PLCG2: variants seen among roughly 807,000 people sequenced by gnomAD.
PLCG2 encodes the protein phospholipase C gamma 2.
PLCG2 carries 69 observed loss-of-function variants against 175.6 expected under a neutral mutation model. The ratio of observed to expected loss-of-function variants is 0.39; its 90% CI spans 0.32 to 0.48. The LOEUF (loss-of-function observed/expected upper bound fraction) is 0.48, where lower values mean the gene tolerates loss of function less well. Among genes scored for constraint, PLCG2 ranks in the 20% least tolerant of loss-of-function variants. The pLI, the probability that PLCG2 is intolerant of heterozygous loss-of-function variation, is 0.91. For synonymous variants in PLCG2, 827 were observed against 624.0 expected (o/e 1.33, Z -4.85); for missense variants, 1,798 against 1,650.9 (o/e 1.09, Z -1.54).
intron 14 of PLCG2, 72 bp downstream of exon 14, chr16:81,900,852 T>A: frequency 1.4e-6 from 2 of 1,398,548 alleles, no homozygotes; most frequent in South Asian, 1.3e-5. Flanking sequence ...CTGGGTCCCG[T>A]TCACCAAGTT....
intron 14 of PLCG2, among the ~76,000 whole-genome samples, chr16:81,903,812 G>A (rs939837987): frequency 1.3e-5 from 2 of 152,116 alleles, no homozygotes; most frequent in African/African-American, 2.4e-5. Context: ...TTCAGCTCTT[G>A]TTCTAAGATG....
chr16:81,944,024 C>T (rs114050826), intron 30 of PLCG2, among the ~76,000 whole-genome samples: 2 of 152,062 alleles, frequency 1.3e-5, no homozygotes, highest in South Asian at 4.2e-4. Context: ...AAGGCATCCA[C>T]GGAATTCAGT....
chr16:81,939,772 A>C (rs1410927206), intron 29 of PLCG2, 120 bp from the exon 30 acceptor site: 1 of 666,904 alleles, frequency 1.5e-6, no homozygotes, highest in Admixed American at 2.4e-5. Flanking sequence ...AGATCTTGGC[A>C]TAGATGCATA....
At chr16:81,803,175 G>T (rs1168150271) in intron 2 of PLCG2, among the ~76,000 whole-genome samples, 1 of 145,562 alleles carries the variant, frequency 6.9e-6, no homozygotes, top group African/African-American at 2.6e-5. Flanking sequence ...CTGGAGTGCA[G>T]TGGCATGATC....
intron 7 of PLCG2, among the ~76,000 whole-genome samples, chr16:81,880,009 G>GA (rs1567513312): frequency 6.6e-6 from 1 of 152,234 alleles, no homozygotes; most frequent in Non-Finnish European, 1.5e-5. Context: ...GGGGGCTCAG[G>GA]AGGGAGCATC....
Position 81,902,407 on chromosome 16 carries a change from G to A in PLCG2, c.1362+1627G>A, listed in dbSNP as rs575413816. Among the ~76,000 whole-genome samples the A allele has an allele frequency of 5.9e-5, 9 of 152,324 alleles. No individual in the cohort carries two copies. In the South Asian group the frequency reaches 8.3e-4, roughly 14 times the overall value. On this transcript the variant is annotated intron_variant, in intron 14 of 32. Transcript: ENST00000564138. ...TGCTGGTATGAGAGTCCTCTTCCAA[G>A]TTGTAGGCTGCCGACTTCTAGTTGT...
At chr16:81,944,620 G>A (rs996688313) in intron 30 of PLCG2, among the ~76,000 whole-genome samples, 5 of 152,044 alleles carry the variant, frequency 3.3e-5, no homozygotes, top group African/African-American at 9.7e-5. Flanking sequence ...GTGCATCACT[G>A]TGCCCAGCTA....
intron 2 of PLCG2, among the ~76,000 whole-genome samples, chr16:81,844,422 A>G (rs1906005064): frequency 2.6e-5 from 4 of 151,918 alleles, no homozygotes; most frequent in South Asian, 2.1e-4. Flanking sequence ...AATGGGTTCA[A>G]GTGATTCTCC....
Position 81,936,174 on chromosome 16 carries a change from C to A in PLCG2, c.2848C>A (p.Pro950Thr), listed in dbSNP as rs1474988760. 1 of 1,613,990 alleles carries A rather than the reference C, an allele frequency of 6.2e-7. No individual in the cohort carries two copies. Among genetic ancestry groups the A allele is most frequent in the Non-Finnish European group, 8.5e-7 (1 of 1,180,022 alleles). Residue 950 changes from proline to threonine, a missense_variant, in exon 27 of 33, where the codon CCT becomes ACT. Pro to Thr is a conservative substitution (Grantham distance 38). Coordinates refer to ENST00000564138, the MANE Select transcript of PLCG2 (RefSeq NM_002661.5). Reference protein sequence around the residue: ...TSKTKDNLENPDFREIRSFVE... With the variant: ...TSKTKDNLENTDFREIRSFVE... ...ACCTTTTTCTCTGTGTGCAGAAAATCCTGACTTCCGAGAAATCCGCTCCTT... is the reference window on the plus strand; with the variant it reads ...ACCTTTTTCTCTGTGTGCAGAAAATACTGACTTCCGAGAAATCCGCTCCTT...
chr16:81,899,236 A>G (rs370693024), intron 13 of PLCG2, among the ~76,000 whole-genome samples: 1 of 151,396 alleles, frequency 6.6e-6, no homozygotes, highest in Non-Finnish European at 1.5e-5. Context: ...ACATAAATAA[A>G]TGACTTTTCT....
chr16:81,830,859 T>G (rs796955235), intron 2 of PLCG2, among the ~76,000 whole-genome samples: 2 of 151,704 alleles, frequency 1.3e-5, no homozygotes, highest in Non-Finnish European at 2.9e-5. Flanking sequence ...TATATGCAAG[T>G]GCAGAGACAG....
intron 32 of PLCG2, among the ~76,000 whole-genome samples, chr16:81,957,511 A>G (rs1332296107): frequency 6.6e-6 from 1 of 152,180 alleles, no homozygotes; most frequent in African/African-American, 2.4e-5. Flanking sequence ...AGAATGGGCT[A>G]GTCCAGCGGC....
intron 2 of PLCG2, among the ~76,000 whole-genome samples, chr16:81,808,413 G>T (rs1185840098): frequency 6.6e-6 from 1 of 152,200 alleles, no homozygotes; most frequent in East Asian, 1.9e-4. Context: ...GTACTGGAGA[G>T]GCTGTGTGGC....
chr16:81,757,266 C>T (rs1909948089), intron 2 of PLCG2, among the ~76,000 whole-genome samples: 3 of 152,026 alleles, frequency 2.0e-5, no homozygotes, highest in African/African-American at 7.3e-5. Flanking sequence ...TTCTGGGCTC[C>T]AATTTTCTGC....
chr16:81,789,850 C>CA (rs900318816), intron 2 of PLCG2, among the ~76,000 whole-genome samples: 4 of 149,362 alleles, frequency 2.7e-5, no homozygotes, highest in East Asian at 1.9e-4. Flanking sequence ...CTTTGCCCCC[C>CA]CTCCATTGCC....
intron 8 of PLCG2, among the ~76,000 whole-genome samples, chr16:81,882,764 A>ATTCTGGCTCACCCCACCTCG (rs1411630727): frequency 2.0e-5 from 3 of 150,656 alleles, no homozygotes; most frequent in East Asian, 2.0e-4. Flanking sequence ...ACCCCACCTC[A>ATTCTGGCTCACCCCACCTCG]TTCTGGCTCA....
chr16:81,894,986 CT>C (rs1398968460), intron 12 of PLCG2, among the ~76,000 whole-genome samples: 1 of 152,214 alleles, frequency 6.6e-6, no homozygotes, highest in East Asian at 1.9e-4. Context: ...GTAGCAGTTA[CT>C]CTATAGACTT....
At chr16:81,882,775 C>T (rs1031852788) in intron 8 of PLCG2, among the ~76,000 whole-genome samples, 1 of 152,058 alleles carries the variant, frequency 6.6e-6, no homozygotes, top group African/African-American at 2.4e-5. Context: ...TTCTGGCTCA[C>T]CCCACCTCGT....
intron 2 of PLCG2, among the ~76,000 whole-genome samples, chr16:81,840,614 G>T (rs904034921): frequency 5.9e-5 from 9 of 152,184 alleles, no homozygotes; most frequent in African/African-American, 2.2e-4. Flanking sequence ...CCTCACATGT[G>T]CAGTTCTCAA....
Sources: gnomAD v4.1 joint callset for allele counts (sites outside exome capture counted in the v4.1 genomes callset) on GRCh38, gnomAD v4.1.1 for gene constraint, MANE v1.5 for transcripts, NCBI Gene and HGNC (gene_info 2026-07-23, HGNC 2026-07-21) for gene names.